The following GNG2 variants were observed in gnomAD, a reference collection of about 807,000 sequenced individuals.
GNG2 encodes guanine nucleotide-binding protein G(I)/G(S)/G(O) subunit gamma-2.
A neutral mutation model predicts 5.5 loss-of-function variants in GNG2; 5 were observed. The observed-to-expected ratio is 0.91, with a 90% confidence interval of 0.48 to 1.92. GNG2 has a LOEUF of 1.92. Ranked by LOEUF, GNG2 falls within the 30% of genes most tolerant of loss-of-function variation. GNG2 has a pLI of 0.01. For missense variants in GNG2, 55 were observed against 88.4 expected, an observed-to-expected ratio of 0.62 and a Z score of 1.52; for synonymous variants, 28 against 32.0, an observed-to-expected ratio of 0.88 and a Z score of 0.42.
intron 1 of GNG2, among the ~76,000 whole-genome samples, chr14:51,872,182 G>T (rs1883346365): frequency 1.3e-5 from 2 of 152,218 alleles, no homozygotes; most frequent in African/African-American, 4.8e-5. Flanking sequence ...TTTTTGAGTT[G>T]TTGCCACAGT....
chr14:51,830,464 G>A (rs1476672404), intron 2 of GNG2, among the ~76,000 whole-genome samples: 1 of 152,132 alleles, frequency 6.6e-6, no homozygotes, highest in South Asian at 2.1e-4. Context: ...CCACTGGATG[G>A]TTCATATTTA....
rs61013183 is a variant in GNG2, at chr14:51,966,231, A to AAAAAAAAAAAAAAAAAAAAAAG, written c.88-322_88-321insAAAAAAAAAAAAAAAGAAAAAA. ...TCTCAAAAAAAAAAAAAAAAAAAAA[A>AAAAAAAAAAAAAAAAAAAAAAG]AAAAAACAAATGAAGGAGACAGCCA... On this transcript the variant is annotated intron_variant, in intron 3 of 3. Transcript: ENST00000556766. Among the ~76,000 whole-genome samples, 9 of 108,576 alleles carry AAAAAAAAAAAAAAAAAAAAAAG rather than the reference A, an allele frequency of 8.3e-5. 1 individual carries two copies. Among genetic ancestry groups the AAAAAAAAAAAAAAAAAAAAAAG allele is most frequent in the Non-Finnish European group, 1.4e-4 (7 of 50,206 alleles). 71.2% of individuals were successfully genotyped at this position (108,576 alleles called of 152,430 possible).
chr14:51,921,454 T>A (rs1887010178), intron 2 of GNG2, among the ~76,000 whole-genome samples: 1 of 152,218 alleles, frequency 6.6e-6, no homozygotes, highest in Non-Finnish European at 1.5e-5. Flanking sequence ...TGGGAACCAA[T>A]AATTGACATT....
At chr14:51,935,118 G>A (rs531492260) in intron 2 of GNG2, among the ~76,000 whole-genome samples, 16 of 146,286 alleles carry the variant, frequency 1.1e-4, no homozygotes, top group Admixed American at 6.4e-4. Context: ...TCTGCCTCCC[G>A]AGTTCACGCC....
intron 2 of GNG2, among the ~76,000 whole-genome samples, chr14:51,835,515 C>T (rs1881306454): frequency 6.6e-6 from 1 of 152,174 alleles, no homozygotes; most frequent in South Asian, 2.1e-4. Flanking sequence ...AAACCCACAC[C>T]ACCCCCTACC....
intron 2 of GNG2, among the ~76,000 whole-genome samples, chr14:51,882,684 A>G (rs1198117035): frequency 6.6e-6 from 1 of 152,218 alleles, no homozygotes; most frequent in African/African-American, 2.4e-5. Context: ...GTGGGACAGA[A>G]TTTGCATCAG....
intron 2 of GNG2, among the ~76,000 whole-genome samples, chr14:51,927,638 C>T (rs566957175): frequency 8.5e-5 from 13 of 152,278 alleles, no homozygotes; most frequent in African/African-American, 2.9e-4. Flanking sequence ...GCCTGGTTCC[C>T]TGTTTTATCC....
At chr14:51,855,222 A>G (rs1465160485) in intron 2 of GNG2, among the ~76,000 whole-genome samples, 1 of 152,222 alleles carries the variant, frequency 6.6e-6, no homozygotes, top group Non-Finnish European at 1.5e-5. Flanking sequence ...TGGTTCCAAC[A>G]CATTTCTCTC....
At chr14:51,939,531 A>G (rs1448094653) in intron 2 of GNG2, among the ~76,000 whole-genome samples, 2 of 152,170 alleles carry the variant, frequency 1.3e-5, no homozygotes, top group Admixed American at 1.3e-4. Flanking sequence ...CTTACTCTCC[A>G]CCCACACAGC....
At position 51,968,358 on chromosome 14, in the gene GNG2, T is replaced by G. The variant is rs1475846012; in HGVS notation, c.*1671T>G. 1 of 131,368 alleles carries G rather than the reference T, an allele frequency of 7.6e-6. No homozygotes were observed. Among genetic ancestry groups the G allele is most frequent in the Non-Finnish European group, 1.6e-5 (1 of 63,778 alleles). 8.1% of individuals were successfully genotyped at this position (131,368 alleles called of 1,614,324 possible). On this transcript the variant is annotated 3_prime_UTR_variant, in exon 4 of 4. Coordinates refer to ENST00000556766, the MANE Select transcript of GNG2 (RefSeq NM_053064.5). ...TTTCCTCTCTATTCGCTTTCTCCTG[T>G]TTTTTTTTTAAAAAAAAAGCATGAA...
chr14:51,943,100 G>A (rs556498642), intron 2 of GNG2, among the ~76,000 whole-genome samples: 1 of 152,148 alleles, frequency 6.6e-6, no homozygotes, highest in South Asian at 2.1e-4. Context: ...TGCCTCTGGG[G>A]TGGTCCTCTG....
chr14:51,848,524 G>A (rs939154612), intron 2 of GNG2, among the ~76,000 whole-genome samples: 17 of 152,134 alleles, frequency 1.1e-4, no homozygotes, highest in African/African-American at 2.4e-5. Flanking sequence ...GGAGAGTACT[G>A]TGCACTTGTT....
intron 1 of GNG2, among the ~76,000 whole-genome samples, chr14:51,870,559 A>G (rs1883231928): frequency 6.6e-6 from 1 of 152,242 alleles, no homozygotes; most frequent in Admixed American, 6.5e-5. Flanking sequence ...TAGAGACGCC[A>G]AGCATTCTGT....
At chr14:51,912,098 C>T (rs1284356920) in intron 2 of GNG2, among the ~76,000 whole-genome samples, 1 of 129,278 alleles carries the variant, frequency 7.7e-6, no homozygotes, top group Non-Finnish European at 1.6e-5. Flanking sequence ...AGTAACTTGC[C>T]CAGCATCACC....
rs111259085 is a variant in GNG2 at position 51,879,586 on chromosome 14, G to A, written c.-30+1929G>A. Among the ~76,000 whole-genome samples the A allele has an allele frequency of 1.3e-3, 197 of 152,310 alleles. 1 individual carries two copies. The Middle Eastern group carries it at 0.014, about 11-fold the overall frequency. ...AAAAGCAAAATATCAACAAGACTGT[G>A]TTCCTTTCTGAAGGCTCTCTGGGTT... On this transcript the variant is annotated intron_variant, in intron 2 of 3. Coordinates refer to ENST00000556766, the MANE Select transcript of GNG2 (RefSeq NM_053064.5).
At chr14:51,940,956 T>TAG (rs1888287269) in intron 2 of GNG2, among the ~76,000 whole-genome samples, 1 of 152,138 alleles carries the variant, frequency 6.6e-6, no homozygotes, top group Non-Finnish European at 1.5e-5. Context: ...GAAAGCCCTT[T>TAG]AGAGGAATGG....
At chr14:51,891,508 C>T (rs141766864) in intron 2 of GNG2, among the ~76,000 whole-genome samples, 31 of 152,272 alleles carry the variant, frequency 2.0e-4, no homozygotes, top group African/African-American at 7.2e-4. Flanking sequence ...ATACATTCCC[C>T]ATCTTTTAAG....
intron 2 of GNG2, among the ~76,000 whole-genome samples, chr14:51,854,153 C>T (rs2748145): frequency 0.18 from 27,594 of 152,090 alleles, 4,760 homozygotes; most frequent in African/African-American, 0.46. Flanking sequence ...GGATTACAGA[C>T]GTGAGCCACC....
intron 2 of GNG2, among the ~76,000 whole-genome samples, chr14:51,896,508 A>G (rs764412599): frequency 6.6e-6 from 1 of 152,216 alleles, no homozygotes; most frequent in Non-Finnish European, 1.5e-5. Context: ...AGGAAGAACT[A>G]AAACCAATAG....
Sources: gnomAD v4.1 joint callset for allele counts (sites outside exome capture counted in the v4.1 genomes callset) on GRCh38, gnomAD v4.1.1 for gene constraint, MANE v1.5 for transcripts, NCBI Gene and HGNC (gene_info 2026-07-23, HGNC 2026-07-21) for gene names.